Variants in TRPS1 observed in about 807,000 individuals in gnomAD.
TRPS1 encodes the protein zinc finger transcription factor Trps1.
A neutral mutation model predicts 101.2 loss-of-function variants in TRPS1; 6 were observed. The ratio of observed to expected loss-of-function variants is 0.06; its 90% CI spans 0.03 to 0.12. The LOEUF is 0.12. Ranked by LOEUF, TRPS1 falls within the 10% of genes least tolerant of loss-of-function variation. The pLI, the probability that TRPS1 is intolerant of heterozygous loss-of-function variation, is 1.00. For missense variants in TRPS1, 1,363 were observed against 1,567.0 expected (o/e 0.87, Z 2.20); for synonymous variants, 578 against 589.8 (o/e 0.98, Z 0.29).
chr8:115,499,637 T>C (rs1815252041), intron 5 of TRPS1, among the ~76,000 whole-genome samples: 1 of 152,220 alleles, frequency 6.6e-6, no homozygotes, highest in African/African-American at 2.4e-5. Context: ...AGCTAGGGAT[T>C]GACTCCTGAA....
At chr8:115,659,179 A>G (rs1811740326) in intron 1 of TRPS1, among the ~76,000 whole-genome samples, 1 of 152,024 alleles carries the variant, frequency 6.6e-6, no homozygotes, top group Non-Finnish European at 1.5e-5. Context: ...AAGGAGAAAC[A>G]TCTCTTAGTG....
intron 1 of TRPS1, among the ~76,000 whole-genome samples, chr8:115,652,415 C>G (rs1811581119): frequency 6.6e-6 from 1 of 152,134 alleles, no homozygotes; most frequent in African/African-American, 2.4e-5. Context: ...TTATCTGAAA[C>G]AGAACAAACT....
intron 3 of TRPS1, among the ~76,000 whole-genome samples, chr8:115,614,104 G>A (rs541323308): frequency 1.3e-5 from 2 of 152,118 alleles, no homozygotes; most frequent in Admixed American, 6.6e-5. Context: ...CACACTACTT[G>A]TATATCTGTG....
rs756958114 is a variant in TRPS1 at position 115,418,200 on chromosome 8, C to G, written c.2823+130G>C. ...CTTCACCATAAATCACATGTGCACT[C>G]AAAGTGACTGTATTAAAACAACCCT... On this transcript the variant is annotated intron_variant, in intron 6 of 6. Coordinates refer to ENST00000395715, the MANE Select transcript of TRPS1 (RefSeq NM_014112.5). This position sits in a 1 kb window ranked among gnomAD's most constrained non-coding sequence, Gnocchi z 4.3. The G allele has an allele frequency of 2.1e-4, 306 of 1,491,180 alleles. No individual in the cohort carries two copies. Among genetic ancestry groups the G allele is most frequent in the Non-Finnish European group, 2.7e-4 (295 of 1,075,666 alleles). The allele number at this position is 1,491,180 out of a possible 1,614,324, so 92.4% of individuals were successfully genotyped here.
At chr8:115,616,165 C>T in intron 3 of TRPS1, among the ~76,000 whole-genome samples, 1 of 152,154 alleles carries the variant, frequency 6.6e-6, no homozygotes, top group East Asian at 1.9e-4. Context: ...TTTACAGTGA[C>T]CTCCATTATC....
At chr8:115,480,143 G>A (rs984561815) in intron 5 of TRPS1, among the ~76,000 whole-genome samples, 1 of 152,126 alleles carries the variant, frequency 6.6e-6, no homozygotes, top group Non-Finnish European at 1.5e-5. Context: ...AAGTCAGACA[G>A]ATTAAAATTA....
intron 5 of TRPS1, among the ~76,000 whole-genome samples, chr8:115,539,616 C>T (rs575409635): frequency 6.6e-6 from 1 of 152,066 alleles, no homozygotes; most frequent in South Asian, 2.1e-4. Flanking sequence ...GAAGGGAAGA[C>T]TGCTTGAGCC....
intron 5 of TRPS1, among the ~76,000 whole-genome samples, chr8:115,456,063 T>TGTATTACAG (rs1814015957): frequency 6.6e-6 from 1 of 151,976 alleles, no homozygotes; most frequent in South Asian, 2.1e-4. Context: ...GGATTACAGG[T>TGTATTACAG]GTGATAGGTG....
chr8:115,522,243 AT>A (rs1586360740), intron 5 of TRPS1, among the ~76,000 whole-genome samples: 1 of 152,120 alleles, frequency 6.6e-6, no homozygotes, highest in East Asian at 1.9e-4. Context: ...AAAGTGTAAT[AT>A]CAATGAGTAT....
chr8:115,665,385 T>C (rs1256915584), intron 1 of TRPS1, among the ~76,000 whole-genome samples: 2 of 152,168 alleles, frequency 1.3e-5, no homozygotes, highest in South Asian at 2.1e-4. Flanking sequence ...CTAATAATAG[T>C]AGTGATAATA....
chr8:115,435,440 T>A (rs975161543), intron 5 of TRPS1, among the ~76,000 whole-genome samples: 1 of 152,150 alleles, frequency 6.6e-6, no homozygotes, highest in Non-Finnish European at 1.5e-5. Context: ...AGACTCCCCA[T>A]GAGGCACATG....
intron 5 of TRPS1, among the ~76,000 whole-genome samples, chr8:115,492,758 G>A (rs1586329007): frequency 1.3e-5 from 2 of 152,208 alleles, no homozygotes; most frequent in African/African-American, 4.8e-5. Context: ...CTGTCACCCA[G>A]GCTGGAGTGC....
At chr8:115,612,867 A>C (rs1818201482) in intron 3 of TRPS1, among the ~76,000 whole-genome samples, 1 of 152,178 alleles carries the variant, frequency 6.6e-6, no homozygotes, top group African/African-American at 2.4e-5. Flanking sequence ...GACACTCTAA[A>C]GGCATTCTGA....
At chr8:115,645,312 G>A (rs1212048550) in intron 1 of TRPS1, among the ~76,000 whole-genome samples, 2 of 152,142 alleles carry the variant, frequency 1.3e-5, no homozygotes, top group African/African-American at 4.8e-5. Flanking sequence ...ACACCCTACA[G>A]TGGCTATGGA....
At chr8:115,423,067 C>A (rs1200727900) in intron 5 of TRPS1, among the ~76,000 whole-genome samples, 1 of 152,180 alleles carries the variant, frequency 6.6e-6, no homozygotes, top group African/African-American at 2.4e-5. Context: ...CCCTGAACTT[C>A]TCTAAGTTCA....
Position 115,623,676 on chromosome 8 carries a change from A to G in TRPS1, c.-39T>C. On this transcript the variant is annotated 5_prime_UTR_variant, in exon 2 of 7. Coordinates refer to ENST00000395715, the MANE Select transcript of TRPS1 (RefSeq NM_014112.5). ...GCTTTTTACAATTATTAATTCTATTAGTCAACTAGCAGGAGGCTAATGCAA... is the reference window on the plus strand; with the variant it reads ...GCTTTTTACAATTATTAATTCTATTGGTCAACTAGCAGGAGGCTAATGCAA... 2 of 1,606,368 alleles carry G rather than the reference A, an allele frequency of 1.2e-6. No individual in the cohort carries two copies. The highest frequency in any genetic ancestry group is 1.7e-6 in the Non-Finnish European group (2 of 1,175,862).
intron 5 of TRPS1, among the ~76,000 whole-genome samples, chr8:115,537,903 T>C (rs1816360786): frequency 1.3e-5 from 2 of 152,186 alleles, no homozygotes; most frequent in Non-Finnish European, 2.9e-5. Flanking sequence ...AGTGTTCTAC[T>C]AATTGCTTGG....
intron 5 of TRPS1, among the ~76,000 whole-genome samples, chr8:115,459,234 G>A (rs773054167): frequency 6.6e-6 from 1 of 152,072 alleles, no homozygotes; most frequent in African/African-American, 2.4e-5. Context: ...AGCTACAGAA[G>A]AATGGTGTGA....
At chr8:115,542,562 G>C (rs931282408) in intron 5 of TRPS1, among the ~76,000 whole-genome samples, 2 of 152,052 alleles carry the variant, frequency 1.3e-5, no homozygotes, top group African/African-American at 4.8e-5. Flanking sequence ...GGGGAGATGG[G>C]GAGAAAAAGG....
Sources: allele counts gnomAD v4.1 joint callset (sites outside exome capture counted in the v4.1 genomes callset), GRCh38; gene constraint gnomAD v4.1.1; non-coding constraint Gnocchi (gnomAD v3.1); transcripts MANE v1.5; gene names NCBI Gene and HGNC (gene_info 2026-07-23, HGNC 2026-07-21).